The following ANO10 variants were observed in gnomAD, a reference collection of about 807,000 sequenced individuals.
ANO10 encodes anoctamin-10.
ANO10 carries 77 observed loss-of-function variants against 74.7 expected under a neutral mutation model. The ratio of observed to expected loss-of-function variants is 1.03; its 90% CI spans 0.86 to 1.25. The LOEUF is 1.25. Among genes scored for constraint, ANO10 ranks in the 50% most tolerant of loss-of-function variants. ANO10 has a pLI of 0.00. For missense variants in ANO10, 721 were observed against 778.1 expected (o/e 0.93, Z 0.87); for synonymous variants, 279 against 284.9 (o/e 0.98, Z 0.21).
chr3:43,574,948 G>T, intron 6 of ANO10, 84 bp from the exon 7 acceptor site: 2 of 1,096,492 alleles, frequency 1.8e-6, no homozygotes, highest in Non-Finnish European at 2.8e-6. Context: ...GTTGCATTGA[G>T]GGCGGAGATG....
In ANO10 at chr3:43,609,344, A is replaced by G. The variant is rs138952423; in HGVS notation, c.-11-3481T>C. On this transcript the variant is annotated intron_variant, in intron 1 of 12. Coordinates refer to ENST00000292246, the MANE Select transcript of ANO10 (RefSeq NM_018075.5). ...CAGTTCAAGATAAAATGACAAAGTG[A>G]AACCATATTACAGAATCTTCTGACC... 3.2e-3 allele frequency among the ~76,000 whole-genome samples: 488 copies of G among 152,358 alleles called. 1 individual carries two copies. The highest frequency in any genetic ancestry group is 0.011 in the African/African-American group (453 of 41,590).
intron 8 of ANO10, among the ~76,000 whole-genome samples, chr3:43,562,738 T>A (rs919287256): frequency 1.3e-5 from 2 of 151,176 alleles, no homozygotes; most frequent in African/African-American, 2.4e-5. Context: ...TAAATGGTGC[T>A]GGGAAAACCA....
chr3:43,551,349 A>G (rs968915338), intron 10 of ANO10: 19 of 341,452 alleles, frequency 5.6e-5, no homozygotes, highest in Middle Eastern at 7.7e-4. Context: ...TGAACTTGCA[A>G]TATGTTTGTA....
At chr3:43,566,519 TCCCTGAC>T (rs964129954) in intron 7 of ANO10, among the ~76,000 whole-genome samples, 14 of 151,668 alleles carry the variant, frequency 9.2e-5, no homozygotes, top group African/African-American at 3.4e-4. Context: ...TTCAAGTGGG[TCCCTGAC>T]CCCTGACCCC....
At chr3:43,483,617 G>T (rs995182267) in intron 11 of ANO10, among the ~76,000 whole-genome samples, 12 of 152,174 alleles carry the variant, frequency 7.9e-5, no homozygotes, top group Non-Finnish European at 1.2e-4. Context: ...TATCTCAAGA[G>T]GTTTATCCTG....
chr3:43,419,599 T>C (rs2092790803), intron 12 of ANO10, among the ~76,000 whole-genome samples: 1 of 151,356 alleles, frequency 6.6e-6, no homozygotes, highest in Non-Finnish European at 1.5e-5. Flanking sequence ...CAATGCAACC[T>C]CCGCCTCCCG....
chr3:43,503,200 T>A (rs1386177337), intron 11 of ANO10, among the ~76,000 whole-genome samples: 1 of 152,176 alleles, frequency 6.6e-6, no homozygotes, highest in African/African-American at 2.4e-5. Context: ...AGAGATCCTT[T>A]TCTATAGGCA....
chr3:43,553,759 A>T (rs71323196), intron 10 of ANO10, among the ~76,000 whole-genome samples: 1 of 152,002 alleles, frequency 6.6e-6, no homozygotes, highest in Non-Finnish European at 1.5e-5. Context: ...CTGGTCTCGA[A>T]CTTCTGACCT....
chr3:43,493,191 C>A (rs1357582851), intron 11 of ANO10, among the ~76,000 whole-genome samples: 1 of 152,138 alleles, frequency 6.6e-6, no homozygotes, highest in Non-Finnish European at 1.5e-5. Flanking sequence ...AAACCAAACA[C>A]CGTGTGTTCT....
At chr3:43,458,526 G>A (rs546456023) in intron 11 of ANO10, among the ~76,000 whole-genome samples, 1 of 152,148 alleles carries the variant, frequency 6.6e-6, no homozygotes, top group South Asian at 2.1e-4. Context: ...TTCTACATAG[G>A]AAATATTTCT....
chr3:43,597,351 T>A (rs1191311781), intron 4 of ANO10, among the ~76,000 whole-genome samples: 1 of 152,136 alleles, frequency 6.6e-6, no homozygotes, highest in Non-Finnish European at 1.5e-5. Context: ...AGCAAAGACT[T>A]GGAACCATCC....
At chr3:43,534,514 AAGAG>A (rs142554891) in intron 11 of ANO10, among the ~76,000 whole-genome samples, 1,651 of 151,720 alleles carry the variant, frequency 0.011, 27 homozygotes, top group African/African-American at 0.037. Flanking sequence ...GACAGAGAGA[AAGAG>A]AGAGAGAAGG....
At chr3:43,577,329 C>T (rs759639659) in intron 5 of ANO10, 68 bp from the exon 6 acceptor site, 47 of 1,464,120 alleles carry the variant, frequency 3.2e-5, no homozygotes, top group African/African-American at 1.3e-4. Context: ...ATTTCAAGTA[C>T]GCTTATTCAT....
chr3:43,680,962 C>T (rs551479745), intron 1 of ANO10, among the ~76,000 whole-genome samples: 34 of 152,230 alleles, frequency 2.2e-4, no homozygotes, highest in African/African-American at 7.2e-4. Context: ...TGGTACCAGC[C>T]GCTGCAAAAA....
chr3:43,371,167 C>T lies in ANO10; in HGVS notation c.1915-4193G>A, dbSNP rs140832552. ...ACTCCATTACCCCTTCTCACCCCTG[C>T]CCCCCGTCCCAAACCAAGACCTACA... is the stretch of plus-strand genomic sequence containing the variant. On this transcript the variant is annotated intron_variant, in intron 12 of 12. Transcript: ENST00000292246. 3.1e-3 allele frequency among the ~76,000 whole-genome samples: 476 copies of T among 152,206 alleles called. 2 individuals carry two copies. Among genetic ancestry groups the T allele is most frequent in the African/African-American group, 0.011 (458 of 41,518 alleles).
rs57290936 is a variant in ANO10, at chr3:43,647,153, ATGTGTGTG to A, written c.-11-41298_-11-41291del. ...CAGAACCAAAAAGATATGTGTATAT[ATGTGTGTG>A]TGTGTGTGTGTGTGTGTGTGTGTGT... On this transcript the variant is annotated intron_variant, in intron 1 of 3. Coordinates refer to the ANO10 transcript ENST00000413397. Among the ~76,000 whole-genome samples, 254 of 141,886 alleles carry A rather than the reference ATGTGTGTG, an allele frequency of 1.8e-3. 2 individuals carry two copies. Among genetic ancestry groups the A allele is most frequent in the African/African-American group, 4.6e-3 (174 of 38,168 alleles). The allele number at this position is 141,886 out of a possible 152,430, so 93.1% of individuals were successfully genotyped here.
At chr3:43,493,128 T>A (rs2076789052) in intron 11 of ANO10, among the ~76,000 whole-genome samples, 2 of 152,326 alleles carry the variant, frequency 1.3e-5, no homozygotes, top group South Asian at 4.1e-4. Flanking sequence ...TGAGTTCATG[T>A]CCTTTGCAGG....
intron 1 of ANO10, among the ~76,000 whole-genome samples, chr3:43,681,416 C>A (rs529429614): frequency 1.6e-4 from 25 of 152,194 alleles, no homozygotes; most frequent in African/African-American, 5.5e-4. Context: ...CAGGAGCACC[C>A]AGATTCATAA....
At chr3:43,470,596 T>TTTTATTTATTTATTTATTTA (rs61427290) in intron 11 of ANO10, among the ~76,000 whole-genome samples, 3 of 143,962 alleles carry the variant, frequency 2.1e-5, no homozygotes, top group South Asian at 2.2e-4. Flanking sequence ...CTGGTAATTA[T>TTTTATTTATTTATTTATTTA]TTTATTTATT....
Sources: gnomAD v4.1 joint callset for allele counts (sites outside exome capture counted in the v4.1 genomes callset) on GRCh38, gnomAD v4.1.1 for gene constraint, MANE v1.5 for transcripts, NCBI Gene and HGNC (gene_info 2026-07-23, HGNC 2026-07-21) for gene names.